Variants in CREB3L2 observed in about 807,000 individuals in gnomAD.
The protein encoded by CREB3L2 is cAMP responsive element binding protein 3 like 2, also known as cyclic AMP-responsive element-binding protein 3-like protein 2.
CREB3L2 carries 23 observed loss-of-function variants against 57.2 expected under a neutral mutation model. The observed-to-expected ratio is 0.40, with a 90% CI of 0.29 to 0.57. The LOEUF (loss-of-function observed/expected upper bound fraction) is 0.57. Among genes scored for constraint, CREB3L2 ranks in the 20% least tolerant of loss-of-function variants. CREB3L2 has a pLI of 0.42. For missense variants in CREB3L2, 628 were observed against 634.7 expected (o/e 0.99, Z 0.11); for synonymous variants, 268 against 265.1 (o/e 1.01, Z -0.11).
At chr7:137,934,085 C>T (rs1027722815) in intron 1 of CREB3L2, among the ~76,000 whole-genome samples, 2 of 152,204 alleles carry the variant, frequency 1.3e-5, no homozygotes, top group African/African-American at 4.8e-5. Flanking sequence ...AACATTTTAG[C>T]ATTCTAATAT....
chr7:137,889,127 C>T (rs905339224), intron 8 of CREB3L2, among the ~76,000 whole-genome samples: 1 of 152,192 alleles, frequency 6.6e-6, no homozygotes, highest in Non-Finnish European at 1.5e-5. Context: ...TCAGTCCTCC[C>T]TTCCAATTTC....
Position 137,876,331 on chromosome 7 carries a change from C to CACGT in CREB3L2, c.*4144_*4145insACGT, listed in dbSNP as rs1799151651. 1 of 213,698 alleles carries CACGT rather than the reference C, an allele frequency of 4.7e-6. No individual in the cohort carries two copies. Among genetic ancestry groups the CACGT allele is most frequent in the Non-Finnish European group, 9.3e-6 (1 of 107,660 alleles). The allele number at this position is 213,698 out of a possible 1,614,324, so 13.2% of individuals were successfully genotyped here. On this transcript the variant is annotated 3_prime_UTR_variant, in exon 12 of 12. Coordinates refer to ENST00000330387, the MANE Select transcript of CREB3L2 (RefSeq NM_194071.4). ...TGAGCATGTAAGGGAGGAATGTGCA[C>CACGT]GTGTGTGTGTGTGTGTGTGTGTGTG...
chr7:137,904,329 G>A (rs1269531893), intron 6 of CREB3L2, among the ~76,000 whole-genome samples: 3 of 151,850 alleles, frequency 2.0e-5, no homozygotes, highest in African/African-American at 7.3e-5. Context: ...TCAGGAGTTC[G>A]AGACCAGCCT....
intron 1 of CREB3L2, among the ~76,000 whole-genome samples, chr7:137,972,713 A>AAAAT (rs1801533598): frequency 3.0e-5 from 1 of 32,932 alleles, no homozygotes; most frequent in African/African-American, 1.3e-4. Flanking sequence ...AAAAAAAAAA[A>AAAAT]TATATATATA....
At chr7:137,948,757 T>C (rs1047739872) in intron 1 of CREB3L2, among the ~76,000 whole-genome samples, 6 of 152,202 alleles carry the variant, frequency 3.9e-5, no homozygotes, top group African/African-American at 1.4e-4. Context: ...AATTGACCAT[T>C]CCTATCCAGT....
chr7:137,968,212 T>G (rs1801441625), intron 1 of CREB3L2, among the ~76,000 whole-genome samples: 1 of 152,110 alleles, frequency 6.6e-6, no homozygotes, highest in Admixed American at 6.5e-5. Context: ...GCTACTCTTT[T>G]TTTTTTTTTT....
intron 1 of CREB3L2, among the ~76,000 whole-genome samples, chr7:137,995,333 CTTTTT>C (rs10676214): frequency 6.9e-5 from 6 of 87,428 alleles, no homozygotes; most frequent in African/African-American, 1.4e-4. Flanking sequence ...TCTTTTCTTT[CTTTTT>C]TTTTTTTTTT....
At chr7:137,946,856 C>CTATATAGTTA (rs1379245290) in intron 1 of CREB3L2, among the ~76,000 whole-genome samples, 1 of 32,024 alleles carries the variant, frequency 3.1e-5, no homozygotes, top group Non-Finnish European at 5.6e-5. Flanking sequence ...ATATAGTTAT[C>CTATATAGTTA]TATATAGTTA....
At chr7:137,898,811 C>G (rs914637484) in intron 8 of CREB3L2, among the ~76,000 whole-genome samples, 4 of 151,512 alleles carry the variant, frequency 2.6e-5, no homozygotes, top group Non-Finnish European at 5.9e-5. Context: ...CAAAGACATG[C>G]AAGAGAACTT....
intron 2 of CREB3L2, among the ~76,000 whole-genome samples, chr7:137,922,437 CGTATATATATAT>C (rs1800340269): frequency 5.9e-4 from 58 of 98,902 alleles, no homozygotes; most frequent in African/African-American, 3.6e-3. Flanking sequence ...TATATATATA[CGTATATATATAT>C]ATATACACAC....
rs142166762 is a variant in CREB3L2 at position 137,933,223 on chromosome 7, C to T, written c.103-4857G>A. On this transcript the variant is annotated intron_variant, in intron 1 of 11. Transcript: ENST00000330387. ...GAGAAATAAATAACAGAATGTAACA[C>T]GCAAATGCAAGAGGTAAACCCACAG... is the stretch of plus-strand genomic sequence containing the variant. Among the ~76,000 whole-genome samples the T allele has an allele frequency of 1.2e-4, 18 of 152,332 alleles. No homozygotes were observed. In the East Asian group the frequency reaches 2.7e-3, roughly 23 times the overall value.
rs377324157 is a variant in CREB3L2 at position 137,923,857 on chromosome 7, C to T, written c.319+4293G>A. On this transcript the variant is annotated intron_variant, in intron 2 of 11. Coordinates refer to ENST00000330387, the MANE Select transcript of CREB3L2 (RefSeq NM_194071.4). ...CACCTTCCCTGTTCTCGCATGGCAGCCATAAGATCTTCTGTGTTTCATCTA... is the reference window on the plus strand; with the variant it reads ...CACCTTCCCTGTTCTCGCATGGCAGTCATAAGATCTTCTGTGTTTCATCTA... Among the ~76,000 whole-genome samples, 461 of 152,280 alleles carry T rather than the reference C, an allele frequency of 3.0e-3. 4 individuals are homozygous for T. Among genetic ancestry groups the T allele is most frequent in the African/African-American group, 0.011 (445 of 41,558 alleles).
intron 1 of CREB3L2, among the ~76,000 whole-genome samples, chr7:137,983,749 C>G (rs1323153937): frequency 6.6e-6 from 1 of 152,224 alleles, no homozygotes; most frequent in East Asian, 1.9e-4. Context: ...TGTGGTTGTT[C>G]TGTCCGCCCT....
chr7:137,878,915 G>C lies in CREB3L2; in HGVS notation c.*1561C>G. On this transcript the variant is annotated 3_prime_UTR_variant, in exon 12 of 12. Transcript: ENST00000330387. ...AACAATGCAGATGACGTGTGTGGGG[G>C]TGGGTGGTGGGGGGAGAGAGAGAAG... The C allele has an allele frequency of 2.5e-6, 1 of 399,302 alleles. No individual in the cohort carries two copies. The highest frequency in any genetic ancestry group is 4.7e-6 in the Non-Finnish European group (1 of 214,270). 24.7% of individuals were successfully genotyped at this position (399,302 alleles called of 1,614,324 possible). A position where few individuals can be genotyped will look rare whatever the true frequency, so the allele number is the denominator to read the frequency against.
chr7:137,892,598 C>T (rs1334920077), intron 8 of CREB3L2, among the ~76,000 whole-genome samples: 3 of 151,986 alleles, frequency 2.0e-5, no homozygotes, highest in Non-Finnish European at 2.9e-5. Flanking sequence ...TGCAGTGGGC[C>T]GAGATCACGC....
intron 9 of CREB3L2, 48 bp downstream of exon 9, chr7:137,885,355 G>T (rs1051482256): frequency 2.0e-6 from 3 of 1,498,328 alleles, no homozygotes; most frequent in African/African-American, 2.8e-5. Context: ...AGGGGAGACA[G>T]GGGCCAGGCC....
intron 1 of CREB3L2, among the ~76,000 whole-genome samples, chr7:137,964,876 G>A (rs1165299751): frequency 2.0e-5 from 3 of 152,224 alleles, no homozygotes; most frequent in South Asian, 2.1e-4. Flanking sequence ...TACATCTCAT[G>A]AGATCTGATG....
chr7:137,965,031 ATGTCTT>A (rs1801387073), intron 1 of CREB3L2, among the ~76,000 whole-genome samples: 1 of 152,190 alleles, frequency 6.6e-6, no homozygotes, highest in Non-Finnish European at 1.5e-5. Context: ...AGACTCAGGT[ATGTCTT>A]TATCAGCAGC....
chr7:137,875,760 T>C lies in CREB3L2; in HGVS notation c.*4716A>G, dbSNP rs1224693174. ...TCCTGTGGTAAAGAGTCACCCTTGTTTTCCGTATCTATAAAACTGAAAGAC... is the reference window on the plus strand; with the variant it reads ...TCCTGTGGTAAAGAGTCACCCTTGTCTTCCGTATCTATAAAACTGAAAGAC... On this transcript the variant is annotated 3_prime_UTR_variant, in exon 12 of 12. Coordinates refer to ENST00000330387, the MANE Select transcript of CREB3L2 (RefSeq NM_194071.4). 1 of 223,866 alleles carries C rather than the reference T, an allele frequency of 4.5e-6. No individual in the cohort carries two copies. Among genetic ancestry groups the C allele is most frequent in the African/African-American group, 2.2e-5 (1 of 44,878 alleles). 13.9% of individuals were successfully genotyped at this position (223,866 alleles called of 1,614,324 possible).
Sources: gnomAD v4.1 joint callset for allele counts (sites outside exome capture counted in the v4.1 genomes callset) on GRCh38, gnomAD v4.1.1 for gene constraint, MANE v1.5 for transcripts, NCBI Gene and HGNC (gene_info 2026-07-23, HGNC 2026-07-21) for gene names.